The following MYO16 variants were observed in gnomAD, a reference collection of about 807,000 sequenced individuals.
The protein encoded by MYO16 is myosin XVI.
MYO16 carries 94 observed loss-of-function variants against 205.3 expected under a neutral mutation model. The observed-to-expected ratio is 0.46, with a 90% CI of 0.39 to 0.54. The LOEUF (loss-of-function observed/expected upper bound fraction) is 0.54. Ranked by LOEUF, MYO16 falls within the 20% of genes least tolerant of loss-of-function variation. The pLI, the probability that MYO16 is intolerant of heterozygous loss-of-function variation, is 0.00. For missense variants in MYO16, 2,315 were observed against 2,387.5 expected (o/e 0.97, Z 0.63); for synonymous variants, 988 against 954.0 (o/e 1.04, Z -0.66).
chr13:108,827,741 G>C (rs961816845), intron 9 of MYO16, among the ~76,000 whole-genome samples: 1 of 152,098 alleles, frequency 6.6e-6, no homozygotes, highest in African/African-American at 2.4e-5. Flanking sequence ...CCTCCTCTCT[G>C]TGTTGCCTTT....
intron 34 of MYO16, among the ~76,000 whole-genome samples, chr13:109,192,699 A>T (rs951017484): frequency 6.6e-6 from 1 of 152,168 alleles, no homozygotes; most frequent in Admixed American, 6.5e-5. Flanking sequence ...CCAAAGCTGG[A>T]TACAGAATCC....
chr13:108,562,397 C>T, the MYO16 span, among the ~76,000 whole-genome samples: 3 of 151,980 alleles, frequency 2.0e-5, no homozygotes, highest in Admixed American at 2.0e-4. Context: ...TTGCAGAATC[C>T]CAGCTGTCAG....
At chr13:109,060,366 C>T (rs1887551631) in intron 27 of MYO16, among the ~76,000 whole-genome samples, 2 of 151,962 alleles carry the variant, frequency 1.3e-5, no homozygotes, top group African/African-American at 4.8e-5. Context: ...CCATCATTAT[C>T]AGCAAACTGA....
At chr13:109,046,878 T>G (rs1411966540) in intron 23 of MYO16, 38 bp from the exon 24 acceptor site, 1 of 1,495,522 alleles carries the variant, frequency 6.7e-7, no homozygotes, top group East Asian at 2.3e-5. Flanking sequence ...ACAGTCATGT[T>G]GAATCATTAG....
intron 4 of MYO16, among the ~76,000 whole-genome samples, chr13:108,782,881 T>A (rs1886347786): frequency 6.6e-6 from 1 of 152,162 alleles, no homozygotes; most frequent in African/African-American, 2.4e-5. Context: ...TTTAGGAATC[T>A]CAGCCTAGAT....
At chr13:108,531,324 A>T in the MYO16 span, among the ~76,000 whole-genome samples, 1 of 152,236 alleles carries the variant, frequency 6.6e-6, no homozygotes, top group South Asian at 2.1e-4. Context: ...GAGGAGGAGG[A>T]AGAACATCGG....
chr13:108,647,061 TG>T (rs1880786469), intron 1 of MYO16, among the ~76,000 whole-genome samples: 1 of 152,142 alleles, frequency 6.6e-6, no homozygotes, highest in African/African-American at 2.4e-5. Context: ...TCTAAATCCA[TG>T]GCATTTTCCC....
chr13:108,857,656 T>C (rs1594348660), intron 11 of MYO16, among the ~76,000 whole-genome samples: 1 of 152,220 alleles, frequency 6.6e-6, no homozygotes, highest in South Asian at 2.1e-4. Flanking sequence ...TGCATTATTA[T>C]CTCAGTGCTT....
Position 108,993,180 on chromosome 13 carries a change from T to C in MYO16, c.2442+732T>C, listed in dbSNP as rs566808198. Among the ~76,000 whole-genome samples, 8 of 152,262 alleles carry C rather than the reference T, an allele frequency of 5.3e-5. No homozygotes were observed. In the East Asian group the frequency reaches 1.5e-3, roughly 29 times the overall value. On this transcript the variant is annotated intron_variant, in intron 21 of 34. Transcript: ENST00000457511. ...GGGAGGAATTTTCATAGTTACGTAATTTGTTTAGCTTTATTTTCTTAAGGT... is the reference window on the plus strand; with the variant it reads ...GGGAGGAATTTTCATAGTTACGTAACTTGTTTAGCTTTATTTTCTTAAGGT...
At chr13:109,002,381 A>G (rs1885246685) in intron 21 of MYO16, among the ~76,000 whole-genome samples, 1 of 152,250 alleles carries the variant, frequency 6.6e-6, no homozygotes, top group African/African-American at 2.4e-5. Flanking sequence ...ATTGTTTGTC[A>G]TTAATACAAA....
chr13:109,140,662 C>A lies in MYO16; in HGVS notation c.4450C>A (p.Arg1484Ser). ...CGGCGCATCGCCGCCCCTGCTCCAC[C>A]GCGCGCCGGAGGACGAGGCGGCGGG... Reference protein sequence around the residue: ...LHGASPPLLHRAPEDEAAGPP... With the variant: ...LHGASPPLLHSAPEDEAAGPP... The change falls in exon 32 of 35, where the codon CGC (arginine) becomes AGC (serine). Residue 1484 changes from arginine to serine, a missense_variant. Physicochemically the swap from Arg to Ser is moderately radical, Grantham distance 110. Coordinates refer to ENST00000457511, the MANE Select transcript of MYO16 (RefSeq NM_001198950.3). The surrounding 1 kb of genome is among the most constrained non-coding windows in gnomAD (Gnocchi z 8.0). 1 of 1,492,956 alleles carries A rather than the reference C, an allele frequency of 6.7e-7. No homozygotes were observed. The highest frequency in any genetic ancestry group is 1.5e-5 in the African/African-American group (1 of 68,528). The allele number at this position is 1,492,956 out of a possible 1,614,324, so 92.5% of individuals were successfully genotyped here.
At chr13:108,662,617 C>T (rs1881554043) in intron 1 of MYO16, among the ~76,000 whole-genome samples, 1 of 152,260 alleles carries the variant, frequency 6.6e-6, no homozygotes, top group Non-Finnish European at 1.5e-5. Flanking sequence ...TCACTCCCAC[C>T]GTGCCCCACA....
intron 1 of MYO16, among the ~76,000 whole-genome samples, chr13:108,648,200 A>G (rs994915661): frequency 2.6e-5 from 4 of 152,246 alleles, no homozygotes; most frequent in Non-Finnish European, 5.9e-5. Flanking sequence ...AAGATGGTCA[A>G]ACTTAACTTA....
At chr13:109,183,496 A>G (rs2139925662) in intron 34 of MYO16, among the ~76,000 whole-genome samples, 1 of 152,342 alleles carries the variant, frequency 6.6e-6, no homozygotes, top group Middle Eastern at 3.4e-3. Context: ...TCCACACTTG[A>G]CATTGAGAAA....
intron 4 of MYO16, 108 bp downstream of exon 4, chr13:108,727,691 C>A (rs537461600): frequency 2.4e-6 from 3 of 1,254,376 alleles, no homozygotes; most frequent in South Asian, 3.0e-5. Flanking sequence ...TGAGAAAAAT[C>A]TGCATATGTT....
chr13:108,908,417 A>G (rs1239379552), intron 15 of MYO16, among the ~76,000 whole-genome samples: 3 of 152,252 alleles, frequency 2.0e-5, no homozygotes, highest in Admixed American at 2.0e-4. Flanking sequence ...CATTGTAAAT[A>G]GTGGTTCTAG....
intron 33 of MYO16, among the ~76,000 whole-genome samples, chr13:109,170,865 GC>G (rs1878896572): frequency 6.6e-6 from 1 of 152,128 alleles, no homozygotes; most frequent in Non-Finnish European, 1.5e-5. Context: ...GCCAAAGCCT[GC>G]AACACAGATT....
At position 108,974,141 on chromosome 13, in the gene MYO16, C is replaced by T. The variant is rs535628638; in HGVS notation, c.2369+9239C>T. Among the ~76,000 whole-genome samples the T allele has an allele frequency of 2.0e-4, 31 of 152,292 alleles. No homozygotes were observed. The South Asian group carries it at 2.7e-3, about 13-fold the overall frequency. On this transcript the variant is annotated intron_variant, in intron 20 of 34. Coordinates refer to ENST00000457511, the MANE Select transcript of MYO16 (RefSeq NM_001198950.3). ...CTTTGATTTTGTTCTACTAAGAATT[C>T]AGTTTGTATACTATTAGTTTTTAAT... is the stretch of plus-strand genomic sequence containing the variant.
intron 32 of MYO16, among the ~76,000 whole-genome samples, chr13:109,143,180 A>G (rs1409903284): frequency 6.6e-6 from 1 of 152,164 alleles, no homozygotes; most frequent in African/African-American, 2.4e-5. Context: ...AAGAAAATAC[A>G]TAAATGTGTA....
Sources: allele counts gnomAD v4.1 joint callset (sites outside exome capture counted in the v4.1 genomes callset), GRCh38; gene constraint gnomAD v4.1.1; non-coding constraint Gnocchi (gnomAD v3.1); transcripts MANE v1.5; gene names NCBI Gene and HGNC (gene_info 2026-07-23, HGNC 2026-07-21).